ERI1: variants seen among roughly 807,000 people sequenced by gnomAD.
ERI1 encodes the protein exoribonuclease 1, also known as 3'-5' exoribonuclease 1.
In ERI1, 39 loss-of-function variants were observed where a neutral mutation model predicts 39.7. That is an observed-to-expected ratio of 0.98 (90% CI 0.76 to 1.28). The LOEUF is 1.28. Ranked by LOEUF, ERI1 falls within the 50% of genes most tolerant of loss-of-function variation. The pLI is 0.00. For missense variants in ERI1, 581 were observed against 416.9 expected (o/e 1.39, Z -3.43); for synonymous variants, 204 against 149.6 (o/e 1.36, Z -2.65).
intron 3 of ERI1, among the ~76,000 whole-genome samples, chr8:9,077,277 C>G (rs1563091602): frequency 6.6e-6 from 1 of 152,190 alleles, no homozygotes; most frequent in African/African-American, 2.4e-5. Context: ...CTGTTGAAAA[C>G]CTTCAGGGCC....
At chr8:9,074,863 A>C (rs868066570) in intron 3 of ERI1, among the ~76,000 whole-genome samples, 45 of 152,330 alleles carry the variant, frequency 3.0e-4, no homozygotes, top group Middle Eastern at 6.8e-3. Context: ...GAGTCCTTCT[A>C]AGGGAAAAGC....
chr8:9,034,559 G>A (rs576179620), downstream of ERI1, among the ~76,000 whole-genome samples: 4 of 152,060 alleles, frequency 2.6e-5, no homozygotes, highest in East Asian at 7.7e-4. Context: ...TGGTGGTTTT[G>A]GGGCACCACA....
At position 9,071,777 on chromosome 8, in the gene ERI1, A is replaced by C. The variant is rs180697286; in HGVS notation, n.300-44571A>C. On this transcript the variant is annotated intron_variant and non_coding_transcript_variant, in intron 3 of 3. Transcript: ENST00000518663. ...GATTCAACTTTGGAAATAGAATGAC[A>C]GAGAGAGACTGGGTGCAGTGGCTCA... 4.5e-3 allele frequency among the ~76,000 whole-genome samples: 686 copies of C among 152,346 alleles called. 8 individuals carry two copies. Among genetic ancestry groups the C allele is most frequent in the African/African-American group, 0.016 (656 of 41,584 alleles).
intron 3 of ERI1, among the ~76,000 whole-genome samples, chr8:9,074,038 G>C (rs1214664605): frequency 6.6e-6 from 1 of 151,962 alleles, no homozygotes; most frequent in Non-Finnish European, 1.5e-5. Context: ...TTCCTGCCTT[G>C]GCCTCCCAAA....
chr8:9,017,611 A>G (rs1457119186), intron 4 of ERI1, among the ~76,000 whole-genome samples: 3 of 152,218 alleles, frequency 2.0e-5, no homozygotes, highest in Non-Finnish European at 4.4e-5. Context: ...GTCCTGGGGA[A>G]AAACATCCTC....
chr8:9,074,030 C>A (rs1477133212), intron 3 of ERI1, among the ~76,000 whole-genome samples: 2 of 152,196 alleles, frequency 1.3e-5, no homozygotes, highest in Non-Finnish European at 1.5e-5. Context: ...AAGCAATCTT[C>A]CTGCCTTGGC....
At chr8:9,021,052 C>A (rs1392384395) in intron 6 of ERI1, among the ~76,000 whole-genome samples, 2 of 152,078 alleles carry the variant, frequency 1.3e-5, no homozygotes, top group Non-Finnish European at 2.9e-5. Flanking sequence ...AATTAAGTTA[C>A]CACTCCTGCT....
chr8:9,059,136 C>G, intron 3 of ERI1, among the ~76,000 whole-genome samples: 1 of 152,056 alleles, frequency 6.6e-6, no homozygotes, highest in African/African-American at 2.4e-5. Flanking sequence ...GCTTCTGAGC[C>G]AGGATGAGCC....
At chr8:9,021,774 G>GTTTTTTTTTTT (rs200507835) in intron 6 of ERI1, among the ~76,000 whole-genome samples, 2 of 88,288 alleles carry the variant, frequency 2.3e-5, no homozygotes, top group Non-Finnish European at 5.0e-5. Flanking sequence ...TGTTTTTTTT[G>GTTTTTTTTTTT]TTTTTTTTTT....
intron 3 of ERI1, among the ~76,000 whole-genome samples, chr8:9,093,835 C>G (rs1053259096): frequency 1.3e-5 from 2 of 152,166 alleles, no homozygotes; most frequent in Non-Finnish European, 2.9e-5. Context: ...CCTCGGCCTC[C>G]CAAAGTGCTG....
At chr8:9,012,055 C>G (rs925177846) in intron 3 of ERI1, among the ~76,000 whole-genome samples, 1 of 152,078 alleles carries the variant, frequency 6.6e-6, no homozygotes, top group Non-Finnish European at 1.5e-5. Flanking sequence ...ACTAATGATA[C>G]TGATGCCTGG....
At chr8:9,063,172 T>C (rs1050304251) in intron 3 of ERI1, among the ~76,000 whole-genome samples, 2 of 152,158 alleles carry the variant, frequency 1.3e-5, no homozygotes, top group East Asian at 1.9e-4. Context: ...ATAAAATAAA[T>C]GTATATTGAG....
At position 9,054,946 on chromosome 8, in the gene ERI1, A is replaced by C. The variant is rs967925304; in HGVS notation, n.299+34482A>C. Among the ~76,000 whole-genome samples, 3 of 152,278 alleles carry C rather than the reference A, an allele frequency of 2.0e-5. No homozygotes were observed. The East Asian group carries it at 5.8e-4, about 29-fold the overall frequency. ...CTGTCTCAAAAATAAACAATAAATA[A>C]ATAAAATCAACACATAATAAATAGA... On this transcript the variant is annotated intron_variant and non_coding_transcript_variant, in intron 3 of 3. Coordinates refer to the ERI1 transcript ENST00000518663.
intron 3 of ERI1, among the ~76,000 whole-genome samples, chr8:9,067,923 T>TACAA (rs1554528414): frequency 2.7e-5 from 4 of 149,834 alleles, no homozygotes; most frequent in Non-Finnish European, 5.9e-5. Context: ...ATGCTACAAA[T>TACAA]ACACACACAC....
chr8:9,080,703 C>T (rs546054285), intron 3 of ERI1, among the ~76,000 whole-genome samples: 2 of 152,290 alleles, frequency 1.3e-5, no homozygotes, highest in African/African-American at 2.4e-5. Context: ...AGTGTGGAAT[C>T]GTCACCAGTG....
At chr8:9,058,863 A>AAATC (rs1285323388) in intron 3 of ERI1, among the ~76,000 whole-genome samples, 4 of 141,822 alleles carry the variant, frequency 2.8e-5, no homozygotes, top group Admixed American at 6.9e-5. Context: ...ATAAATAAAT[A>AAATC]AATAAATCTT....
intron 5 of ERI1, among the ~76,000 whole-genome samples, chr8:9,019,294 T>C (rs1191668295): frequency 1.2e-4 from 19 of 152,238 alleles, no homozygotes; most frequent in Non-Finnish European, 2.6e-4. Flanking sequence ...ATACCTGAGA[T>C]GTCACCAACA....
intron 6 of ERI1, among the ~76,000 whole-genome samples, chr8:9,027,844 C>T (rs1438180104): frequency 6.6e-6 from 1 of 152,118 alleles, no homozygotes; most frequent in East Asian, 1.9e-4. Context: ...TCAATTACTG[C>T]ACTCCTTCCT....
At chr8:9,041,422 G>A (rs900724158) in intron 3 of ERI1, among the ~76,000 whole-genome samples, 3 of 152,150 alleles carry the variant, frequency 2.0e-5, no homozygotes, top group Non-Finnish European at 4.4e-5. Context: ...CTCCAGGGTT[G>A]ACCATAGGTT....
Sources: allele counts gnomAD v4.1 joint callset (sites outside exome capture counted in the v4.1 genomes callset), GRCh38; gene constraint gnomAD v4.1.1; transcripts MANE v1.5; gene names NCBI Gene and HGNC (gene_info 2026-07-23, HGNC 2026-07-21).